Variants in ZFAND3 observed in about 807,000 individuals in gnomAD.
ZFAND3 encodes zinc finger AN1-type containing 3.
Under a neutral mutation model 29.6 loss-of-function variants are expected in ZFAND3, and 10 were observed. That is an observed-to-expected ratio of 0.34 (90% CI 0.21 to 0.57). The LOEUF is 0.57. Among genes scored for constraint, ZFAND3 ranks in the 20% least tolerant of loss-of-function variants. ZFAND3 has a pLI of 0.86. For synonymous variants in ZFAND3, 128 were observed against 112.6 expected (o/e 1.14, Z -0.87); for missense variants, 230 against 304.5 (o/e 0.76, Z 1.82).
At chr6:37,964,220 C>G (rs6923254) in intron 2 of ZFAND3, among the ~76,000 whole-genome samples, 12,539 of 152,180 alleles carry the variant, frequency 0.082, 624 homozygotes, top group African/African-American at 0.14. Context: ...ACTTTGATGT[C>G]CTGCTCTGAT....
intron 4 of ZFAND3, 146 bp from the exon 5 acceptor site, chr6:38,116,426 C>A: frequency 2.2e-6 from 2 of 905,800 alleles, no homozygotes; most frequent in African/African-American, 1.7e-5. Flanking sequence ...GCAGTATAAA[C>A]CAAGCAAGTC....
At chr6:37,918,504 C>G (rs368274441) in intron 1 of ZFAND3, among the ~76,000 whole-genome samples, 4 of 152,206 alleles carry the variant, frequency 2.6e-5, no homozygotes, top group Non-Finnish European at 5.9e-5. Context: ...CTATTATCTC[C>G]CAGGTTTATG....
At chr6:37,843,905 TA>T (rs1477602430) in intron 1 of ZFAND3, among the ~76,000 whole-genome samples, 6 of 152,036 alleles carry the variant, frequency 3.9e-5, no homozygotes, top group African/African-American at 9.7e-5. Context: ...ACAATAAGAT[TA>T]TTTTTTTTCT....
rs1223852340 is a variant in ZFAND3 at position 38,002,533 on chromosome 6, G to A, written c.113-59060G>A. Among the ~76,000 whole-genome samples the A allele has an allele frequency of 7.2e-5, 11 of 152,018 alleles. No homozygotes were observed. In the East Asian group the frequency reaches 2.1e-3, roughly 29 times the overall value. ...GTCTCTACAAAAAATCCAAAAATTA[G>A]CCTGGCTCGGTGTTGTGCCTGTAGT... On this transcript the variant is annotated intron_variant, in intron 2 of 5. Coordinates refer to ENST00000287218, the MANE Select transcript of ZFAND3 (RefSeq NM_021943.3).
At chr6:37,820,139 CGGGGAG>C in intron 1 of ZFAND3, 123 bp downstream of exon 1, 1 of 55,458 alleles carries the variant, frequency 1.8e-5, no homozygotes, top group Non-Finnish European at 3.1e-5. Context: ...CCCGGGCCTA[CGGGGAG>C]GGGGTGGGGG....
chr6:38,138,417 A>T (rs1431260626), intron 5 of ZFAND3, among the ~76,000 whole-genome samples: 2 of 149,762 alleles, frequency 1.3e-5, no homozygotes, highest in African/African-American at 4.9e-5. Flanking sequence ...TCTCAGGTCA[A>T]TTTTTTTTTT....
intron 2 of ZFAND3, among the ~76,000 whole-genome samples, chr6:38,044,464 C>CT (rs1371439247): frequency 2.0e-5 from 3 of 151,916 alleles, no homozygotes; most frequent in African/African-American, 7.3e-5. Flanking sequence ...TGCAGAAGAA[C>CT]TTGAGCGCCT....
intron 5 of ZFAND3, 26 bp from the exon 6 acceptor site, chr6:38,152,209 T>C (rs1766242423): frequency 6.7e-7 from 1 of 1,489,918 alleles, no homozygotes; most frequent in African/African-American, 1.4e-5. Context: ...AACACACTCT[T>C]TCCTCTGCTT....
At chr6:38,068,439 A>G (rs549816817) in intron 3 of ZFAND3, among the ~76,000 whole-genome samples, 7 of 152,292 alleles carry the variant, frequency 4.6e-5, no homozygotes, top group Admixed American at 6.5e-5. Flanking sequence ...TGGAGACCCA[A>G]TGGCCTATTA....
At chr6:38,103,236 A>G (rs1027044082) in intron 4 of ZFAND3, among the ~76,000 whole-genome samples, 2 of 152,056 alleles carry the variant, frequency 1.3e-5, no homozygotes, top group Admixed American at 6.6e-5. Context: ...TGAGAAAAAA[A>G]GTTGGCTTTG....
At chr6:37,921,848 C>A (rs541814044) in intron 1 of ZFAND3, among the ~76,000 whole-genome samples, 1 of 150,838 alleles carries the variant, frequency 6.6e-6, no homozygotes, top group South Asian at 2.1e-4. Context: ...TAGTCAGAGA[C>A]CTGCCTGGGC....
At chr6:37,848,837 T>C (rs1180699721) in intron 1 of ZFAND3, among the ~76,000 whole-genome samples, 1 of 152,236 alleles carries the variant, frequency 6.6e-6, no homozygotes, top group African/African-American at 2.4e-5. Context: ...GGTAGTCTGG[T>C]ATTATAATGA....
chr6:37,866,445 A>G (rs889198306), intron 1 of ZFAND3, among the ~76,000 whole-genome samples: 4 of 152,204 alleles, frequency 2.6e-5, no homozygotes, highest in Non-Finnish European at 5.9e-5. Context: ...GATGATTAAT[A>G]AGAATAGAAT....
chr6:37,978,440 T>G (rs1376617961), intron 2 of ZFAND3, among the ~76,000 whole-genome samples: 3 of 152,198 alleles, frequency 2.0e-5, no homozygotes, highest in East Asian at 3.9e-4. Flanking sequence ...ACTTCTGAAC[T>G]CATAGAATGA....
chr6:38,061,290 C>T (rs1213243730), intron 2 of ZFAND3, among the ~76,000 whole-genome samples: 2 of 152,158 alleles, frequency 1.3e-5, no homozygotes, highest in Admixed American at 1.3e-4. Context: ...ATTCTTTATT[C>T]CCTTTTTCCT....
At chr6:38,145,258 A>G (rs1161785964) in intron 5 of ZFAND3, among the ~76,000 whole-genome samples, 2 of 152,222 alleles carry the variant, frequency 1.3e-5, no homozygotes, top group Non-Finnish European at 2.9e-5. Context: ...GCCTGCCAGC[A>G]TTGTCGAGAG....
chr6:37,870,799 C>T (rs1020167419), intron 1 of ZFAND3, among the ~76,000 whole-genome samples: 1 of 152,132 alleles, frequency 6.6e-6, no homozygotes, highest in East Asian at 1.9e-4. Context: ...TCTGCTTCAG[C>T]CTCACAAATA....
At chr6:37,974,734 A>G (rs193195431) in intron 2 of ZFAND3, among the ~76,000 whole-genome samples, 2 of 152,224 alleles carry the variant, frequency 1.3e-5, no homozygotes, top group East Asian at 3.9e-4. Context: ...TTCACTCAGC[A>G]TATTTTGAGA....
At chr6:37,920,052 C>CTTTTTT (rs11389241) in intron 1 of ZFAND3, among the ~76,000 whole-genome samples, 5 of 93,410 alleles carry the variant, frequency 5.4e-5, no homozygotes, top group African/African-American at 1.2e-4. Flanking sequence ...TTTTTTGAAG[C>CTTTTTT]TTTTTTTTTT....
Sources: allele counts gnomAD v4.1 joint callset (sites outside exome capture counted in the v4.1 genomes callset), GRCh38; gene constraint gnomAD v4.1.1; transcripts MANE v1.5; gene names NCBI Gene and HGNC (gene_info 2026-07-23, HGNC 2026-07-21).